The following COQ2 variants were observed in gnomAD, a reference collection of about 807,000 sequenced individuals.
The protein encoded by COQ2 is 4-hydroxybenzoate polyprenyltransferase, mitochondrial.
In COQ2, 25 loss-of-function variants were observed where a neutral mutation model predicts 35.7. That is an observed-to-expected ratio of 0.70 (90% CI 0.51 to 0.98). COQ2 has a LOEUF of 0.98. Ranked by LOEUF, COQ2 falls within the 50% of genes least tolerant of loss-of-function variation. The pLI is 0.00. For missense variants in COQ2, 488 were observed against 473.5 expected (o/e 1.03, Z -0.28); for synonymous variants, 206 against 186.2 (o/e 1.11, Z -0.86).
At chr4:83,265,658 TTTC>T (rs1323884469) in intron 6 of COQ2, among the ~76,000 whole-genome samples, 7 of 152,216 alleles carry the variant, frequency 4.6e-5, no homozygotes, top group Admixed American at 3.3e-4. Flanking sequence ...GCTCCAAGTA[TTTC>T]TTTTTTCTTC....
In COQ2 at chr4:83,284,550, T is replaced by A. The variant is rs759389317; in HGVS notation, c.215A>T (p.Gln72Leu). ...AVVDSAPRPL[Q>L]PYLRLMRLDK... The stretch of plus-strand genomic sequence containing the variant: ...CAACCGCATGAGGCGCAAGTACGGC[T>A]GCAGGGGGCGGGGCGCAGAGTCCAC... The change falls in exon 1 of 7, where the codon CAG (glutamine) becomes CTG (leucine). Residue 72 changes from glutamine to leucine, a missense_variant. By Grantham distance (113) the Gln-to-Leu change is moderately radical (BLOSUM62 -2). Transcript: ENST00000647002. 2.5e-6 allele frequency: 4 copies of A among 1,572,456 alleles called. No homozygotes were observed. In the East Asian group the frequency reaches 9.5e-5, roughly 37 times the overall value.
intron 1 of COQ2, 24 bp downstream of exon 1, chr4:83,284,488 G>A (rs1335363099): frequency 6.5e-7 from 1 of 1,549,776 alleles, no homozygotes; most frequent in Non-Finnish European, 8.7e-7. Context: ...CAAATTCCCG[G>A]GCTGCCCGCC....
intron 1 of COQ2, 125 bp downstream of exon 1, chr4:83,284,387 C>A: frequency 7.1e-7 from 1 of 1,415,932 alleles, no homozygotes; most frequent in Non-Finnish European, 9.2e-7. Context: ...CACCCGGCAG[C>A]CAAGCCCAAG....
At chr4:83,276,531 AT>A (rs1735188182) in intron 2 of COQ2, among the ~76,000 whole-genome samples, 1 of 152,216 alleles carries the variant, frequency 6.6e-6, no homozygotes. Context: ...CAGAATGGCT[AT>A]TAGAAAGTCA....
Position 83,273,670 on chromosome 4 carries a change from T to C in COQ2, c.421-53A>G, listed in dbSNP as rs1443684907. Reference sequence around the variant, plus strand: ...CTTCATGTAATGACTCAATCATTTATTTAAACATTTAATGAAGAGACTGGC... The same window carrying C: ...CTTCATGTAATGACTCAATCATTTACTTAAACATTTAATGAAGAGACTGGC... On this transcript the variant is annotated intron_variant, in intron 2 of 6. Transcript: ENST00000647002. 16 of 1,562,448 alleles carry C rather than the reference T, an allele frequency of 1.0e-5. No individual in the cohort carries two copies. The South Asian group carries it at 1.2e-4, about 11-fold the overall frequency.
intron 1 of COQ2, chr4:83,282,580 A>C: frequency 6.4e-6 from 6 of 933,392 alleles, no homozygotes; most frequent in Non-Finnish European, 7.7e-6. Flanking sequence ...AAACATACAC[A>C]ATCTGTAAGT....
intron 6 of COQ2, 35 bp downstream of exon 6, chr4:83,267,551 G>C (rs1167458411): frequency 6.7e-7 from 1 of 1,502,810 alleles, no homozygotes; most frequent in Non-Finnish European, 8.9e-7. Context: ...TTTATACCAA[G>C]GAAATATGAG....
At chr4:83,276,220 C>T (rs1735179167) in intron 2 of COQ2, among the ~76,000 whole-genome samples, 1 of 151,630 alleles carries the variant, frequency 6.6e-6, no homozygotes, top group African/African-American at 2.4e-5. Context: ...AATGTCTGTT[C>T]ATGTGCGTTG....
chr4:83,271,987 T>G (rs1484262594), intron 4 of COQ2, 100 bp downstream of exon 4: 1 of 772,702 alleles, frequency 1.3e-6, no homozygotes, highest in African/African-American at 1.8e-5. Context: ...GAAAATTACA[T>G]GACTGATTTG....
chr4:83,281,026 T>C (rs1560496367), intron 1 of COQ2, among the ~76,000 whole-genome samples: 1 of 152,226 alleles, frequency 6.6e-6, no homozygotes, highest in Admixed American at 6.5e-5. Flanking sequence ...AACAAGGTCA[T>C]AGTTCACTAC....
Position 83,278,976 on chromosome 4 carries a change from T to G in COQ2, c.392A>C (p.Asp131Ala). The G allele has an allele frequency of 6.2e-7, 1 of 1,605,828 alleles. No individual in the cohort carries two copies. Among genetic ancestry groups the G allele is most frequent in the Non-Finnish European group, 8.5e-7 (1 of 1,176,574 alleles). The change falls in exon 2 of 7, where the codon GAC (aspartate) becomes GCC (alanine). Residue 131 changes from aspartate (D) to alanine (A), a missense_variant. Coordinates refer to ENST00000647002, the MANE Select transcript of COQ2 (RefSeq NM_001358921.2). ...TTTATCATAGTCCTGGTCCCACATG[T>G]CATTAATAGTACAGCCTGCTCCACG... ...LMRGAGCTINDMWDQDYDKKV... is the reference protein window; with the variant it reads ...LMRGAGCTINAMWDQDYDKKV...
rs11448409 is a variant in COQ2, at chr4:83,267,859, G to GTT, written c.763-87_763-86dup. ...CACATTTTGAAGTATCAGATTTAGT[G>GTT]TTTTTTTGTATATTCACAAGGTTGT... On this transcript the variant is annotated intron_variant, in intron 5 of 6. Transcript: ENST00000647002. 1,047 of 1,112,518 alleles carry GTT rather than the reference G, an allele frequency of 9.4e-4. 3 individuals carry two copies. The African/African-American group carries it at 0.012, about 12-fold the overall frequency. The allele number at this position is 1,112,518 out of a possible 1,614,324, so 68.9% of individuals were successfully genotyped here.
At chr4:83,268,686 T>C (rs1014795458) in intron 5 of COQ2, among the ~76,000 whole-genome samples, 1 of 152,176 alleles carries the variant, frequency 6.6e-6, no homozygotes, top group Admixed American at 6.5e-5. Flanking sequence ...TTCCAGACCT[T>C]ACCGCAAAAA....
chr4:83,284,170 C>T, intron 1 of COQ2: 4 of 985,438 alleles, frequency 4.1e-6, no homozygotes, highest in Non-Finnish European at 4.8e-6. Context: ...ACCATTTAAA[C>T]AAGTGTTTGT....
rs1045414490 is a variant in COQ2, at chr4:83,284,642, A to C, written c.123T>G (p.Gly41=). ...LARAAGAPHG[G]DLQPPACPEP... The stretch of plus-strand genomic sequence containing the variant: ...CGGGACAGGCGGGGGGCTGCAAGTC[A>C]CCACCGTGGGGCGCGCCTGCCGCAC... The change falls in exon 1 of 7, where the codon GGT becomes GGG. Residue 41 remains glycine (G), a synonymous_variant. Transcript: ENST00000647002. 6 of 1,486,902 alleles carry C rather than the reference A, an allele frequency of 4.0e-6. No homozygotes were observed. The highest frequency in any genetic ancestry group is 5.3e-6 in the Non-Finnish European group (6 of 1,122,200). 92.1% of individuals were successfully genotyped at this position (1,486,902 alleles called of 1,614,324 possible). A position where few individuals can be genotyped will look rare whatever the true frequency, so the allele number is the denominator to read the frequency against.
chr4:83,272,046 G>T, intron 4 of COQ2, 41 bp downstream of exon 4: 1 of 1,287,824 alleles, frequency 7.8e-7, no homozygotes, highest in Non-Finnish European at 1.1e-6. Context: ...AGTGTAGTTT[G>T]CAAATATCAA....
At chr4:83,265,438 G>A (rs1377643674) in intron 6 of COQ2, among the ~76,000 whole-genome samples, 1 of 152,076 alleles carries the variant, frequency 6.6e-6, no homozygotes. Flanking sequence ...TGGGCATGAT[G>A]GCGTGTGCCT....
intron 6 of COQ2, 84 bp downstream of exon 6, chr4:83,267,502 G>T: frequency 7.9e-7 from 1 of 1,266,114 alleles, no homozygotes; most frequent in Non-Finnish European, 1.1e-6. Context: ...TCCTTGCCAG[G>T]TAAACACAGA....
intron 1 of COQ2, among the ~76,000 whole-genome samples, chr4:83,283,078 T>C (rs1172365680): frequency 6.6e-6 from 1 of 152,216 alleles, no homozygotes; most frequent in East Asian, 1.9e-4. Flanking sequence ...ATGGGGGTCA[T>C]ACACAGCTTC....
Sources: gnomAD v4.1 joint callset for allele counts (sites outside exome capture counted in the v4.1 genomes callset) on GRCh38, gnomAD v4.1.1 for gene constraint, MANE v1.5 for transcripts, NCBI Gene and HGNC (gene_info 2026-07-23, HGNC 2026-07-21) for gene names.